Variants in CNTN4 observed in about 807,000 individuals in gnomAD.
The protein encoded by CNTN4 is contactin-4.
CNTN4 carries 77 observed loss-of-function variants against 122.5 expected under a neutral mutation model. That is an observed-to-expected ratio of 0.63 (90% CI 0.52 to 0.76). CNTN4 has a LOEUF of 0.76. CNTN4 is among the 30% of genes least tolerant of loss of function. CNTN4 has a pLI of 0.00. For synonymous variants in CNTN4, 512 were observed against 447.0 expected (o/e 1.15, Z -1.83); for missense variants, 1,256 against 1,259.1 (o/e 1.00, Z 0.04).
Position 2,803,716 on chromosome 3 carries a change from C to T in CNTN4, c.359-15770C>T, listed in dbSNP as rs1018242798. On this transcript the variant is annotated intron_variant, in intron 6 of 24. Transcript: ENST00000418658. Reference sequence around the variant, plus strand: ...CTGGGATTACTGGTGCCTGCCACCACGCCTGGCTAATTTTTTGTATTTTTC... The same window carrying T: ...CTGGGATTACTGGTGCCTGCCACCATGCCTGGCTAATTTTTTGTATTTTTC... Among the ~76,000 whole-genome samples the T allele has an allele frequency of 7.9e-5, 12 of 152,074 alleles. 2 individuals carry two copies. The highest frequency in any genetic ancestry group is 2.1e-4 in the South Asian group (1 of 4,804).
rs762294973 is a variant in CNTN4, at chr3:3,034,766, G to A, written c.1918G>A (p.Val640Met). 1.1e-5 allele frequency: 17 copies of A among 1,613,948 alleles called. No individual in the cohort carries two copies. Among genetic ancestry groups the A allele is most frequent in the South Asian group, 2.2e-5 (2 of 91,078 alleles). The change falls in exon 17 of 25, where the codon GTG becomes ATG. Residue 640 changes from valine (V) to methionine (M), a missense_variant. Val to Met is a conservative substitution (Grantham distance 21, BLOSUM62 1). Coordinates refer to ENST00000418658, the MANE Select transcript of CNTN4 (RefSeq NM_175607.3). ...YVIQARTPFS[V>M]GWQAVSTVPE... ...CATTCAAGCCAGGACTCCATTCTCCGTGGGCTGGCAAGCAGTCAGTACAGG... is the reference window on the plus strand; with the variant it reads ...CATTCAAGCCAGGACTCCATTCTCCATGGGCTGGCAAGCAGTCAGTACAGG...
chr3:2,228,564 G>C (rs186969792), intron 2 of CNTN4, among the ~76,000 whole-genome samples: 8 of 152,038 alleles, frequency 5.3e-5, no homozygotes, highest in Non-Finnish European at 5.9e-5. Context: ...GTAATGATAA[G>C]ACTGTGATAA....
intron 6 of CNTN4, among the ~76,000 whole-genome samples, chr3:2,754,611 T>G (rs1343406219): frequency 6.6e-6 from 1 of 152,082 alleles, no homozygotes; most frequent in Admixed American, 6.6e-5. Context: ...AAAAGTATTT[T>G]TAAAAAATGG....
At chr3:2,499,048 CA>C (rs2148987622) in intron 3 of CNTN4, among the ~76,000 whole-genome samples, 1 of 152,308 alleles carries the variant, frequency 6.6e-6, no homozygotes, top group East Asian at 1.9e-4. Flanking sequence ...CTCAGCTTCC[CA>C]AAGTGCTGGG....
At chr3:2,562,280 A>G (rs2078989211) in intron 3 of CNTN4, among the ~76,000 whole-genome samples, 1 of 152,154 alleles carries the variant, frequency 6.6e-6, no homozygotes, top group African/African-American at 2.4e-5. Flanking sequence ...TTTGTTACAT[A>G]GGTATATTGT....
At chr3:2,793,283 C>G (rs67720233) in intron 6 of CNTN4, among the ~76,000 whole-genome samples, 41,163 of 151,802 alleles carry the variant, frequency 0.27, 5,935 homozygotes, top group Non-Finnish European at 0.32. Flanking sequence ...ATCACCTTAT[C>G]TATTCATAAA....
chr3:2,163,971 T>C (rs777784553), intron 2 of CNTN4, among the ~76,000 whole-genome samples: 5 of 152,070 alleles, frequency 3.3e-5, no homozygotes, highest in Non-Finnish European at 5.9e-5. Context: ...AGAGCTAAGC[T>C]GTGAGGCTGC....
At chr3:2,519,631 G>T (rs1258789394) in intron 3 of CNTN4, among the ~76,000 whole-genome samples, 3 of 152,226 alleles carry the variant, frequency 2.0e-5, no homozygotes, top group Non-Finnish European at 2.9e-5. Context: ...TGGACCAGTT[G>T]TCAGGCAATA....
At chr3:2,384,525 C>T (rs2046162996) in intron 3 of CNTN4, among the ~76,000 whole-genome samples, 1 of 152,184 alleles carries the variant, frequency 6.6e-6, no homozygotes, top group Non-Finnish European at 1.5e-5. Context: ...TAATGGTTTT[C>T]TAACACAATA....
At chr3:2,218,230 A>G (rs1319355193) in intron 2 of CNTN4, among the ~76,000 whole-genome samples, 1 of 152,244 alleles carries the variant, frequency 6.6e-6, no homozygotes, top group Non-Finnish European at 1.5e-5. Flanking sequence ...TGTGCAATCT[A>G]ATTTTAATGT....
intron 3 of CNTN4, among the ~76,000 whole-genome samples, chr3:2,552,502 A>G (rs892265654): frequency 2.6e-5 from 4 of 152,072 alleles, no homozygotes; most frequent in Non-Finnish European, 5.9e-5. Flanking sequence ...AAACATGTGG[A>G]CTCTACCTAA....
chr3:2,973,391 G>A (rs1693119535), intron 13 of CNTN4, among the ~76,000 whole-genome samples: 1 of 151,946 alleles, frequency 6.6e-6, no homozygotes, highest in Non-Finnish European at 1.5e-5. Context: ...AAAATTTTTG[G>A]TGACATCTCT....
At chr3:2,782,687 AACTTC>A (rs946825463) in intron 6 of CNTN4, among the ~76,000 whole-genome samples, 2 of 152,124 alleles carry the variant, frequency 1.3e-5, no homozygotes, top group African/African-American at 4.8e-5. Context: ...AACTAGTAAC[AACTTC>A]ACTTTGAAAA....
At chr3:2,250,133 A>G (rs537853999) in intron 2 of CNTN4, among the ~76,000 whole-genome samples, 5 of 152,108 alleles carry the variant, frequency 3.3e-5, no homozygotes, top group Non-Finnish European at 5.9e-5. Flanking sequence ...ATTGCCCTTT[A>G]TAATTTAACT....
Position 2,399,426 on chromosome 3 carries a change from T to C in CNTN4, c.-89+60193T>C, listed in dbSNP as rs1291941745. Among the ~76,000 whole-genome samples the C allele has an allele frequency of 2.6e-5, 4 of 152,130 alleles. No individual in the cohort carries two copies. In the East Asian group the frequency reaches 7.7e-4, roughly 29 times the overall value. ...TTTTGTTGTTGTTTGTTTCTTTTTC[T>C]GTGGGATACCTTAGGATTCATTCAT... On this transcript the variant is annotated intron_variant, in intron 3 of 24. Coordinates refer to ENST00000418658, the MANE Select transcript of CNTN4 (RefSeq NM_175607.3).
chr3:2,639,075 C>A (rs1238231837), intron 4 of CNTN4, among the ~76,000 whole-genome samples: 1 of 152,200 alleles, frequency 6.6e-6, no homozygotes, highest in Non-Finnish European at 1.5e-5. Flanking sequence ...TTCAACACAG[C>A]TATCCGAGTG....
rs1350684815 is a variant in CNTN4 at position 2,385,247 on chromosome 3, ATTTTTATTTCTACAC to A, written c.-89+46029_-89+46043del. On this transcript the variant is annotated intron_variant, in intron 3 of 24. Coordinates refer to ENST00000418658, the MANE Select transcript of CNTN4 (RefSeq NM_175607.3). This position sits in a 1 kb window ranked among gnomAD's most constrained non-coding sequence, Gnocchi z 4.0. ...CTTTCTACTCAGTTTTTTATTTTTT[ATTTTTATTTCTACAC>A]TTTTTATTTCTACAGTAATATCAAA... Among the ~76,000 whole-genome samples, 4 of 151,290 alleles carry A rather than the reference ATTTTTATTTCTACAC, an allele frequency of 2.6e-5. No homozygotes were observed. Among genetic ancestry groups the A allele is most frequent in the Admixed American group, 6.6e-5 (1 of 15,080 alleles).
chr3:2,671,300 T>A (rs1018448497), intron 4 of CNTN4, among the ~76,000 whole-genome samples: 1 of 152,204 alleles, frequency 6.6e-6, no homozygotes, highest in Admixed American at 6.5e-5. Context: ...ATTTTATTCT[T>A]TTTTCTCTAA....
chr3:2,989,655 T>C (rs1269946370), intron 14 of CNTN4, among the ~76,000 whole-genome samples: 1 of 152,188 alleles, frequency 6.6e-6, no homozygotes, highest in East Asian at 1.9e-4. Context: ...TATGTTTAGA[T>C]TGATTACAAC....
Sources: gnomAD v4.1 joint callset for allele counts (sites outside exome capture counted in the v4.1 genomes callset) on GRCh38, gnomAD v4.1.1 for gene constraint, Gnocchi (gnomAD v3.1) non-coding constraint, MANE v1.5 for transcripts, NCBI Gene and HGNC (gene_info 2026-07-23, HGNC 2026-07-21) for gene names.